Variants in PLCB4 observed in about 807,000 individuals in gnomAD.
PLCB4 encodes the protein phospholipase C beta 4, also known as 1-phosphatidylinositol 4,5-bisphosphate phosphodiesterase beta-4.
Under a neutral mutation model 178.8 loss-of-function variants are expected in PLCB4, and 77 were observed. The observed-to-expected ratio is 0.43, with a 90% CI of 0.36 to 0.52. The LOEUF is 0.52. PLCB4 is among the 20% of genes least tolerant of loss of function. The probability of loss-of-function intolerance (pLI) is 0.00; values close to 1 mark genes in which losing one functional copy is unlikely to be tolerated. For synonymous variants in PLCB4, 496 were observed against 490.8 expected (o/e 1.01, Z -0.14); for missense variants, 1,024 against 1,453.4 (o/e 0.70, Z 4.80).
At chr20:9,414,014 A>G (rs910018842) in intron 25 of PLCB4, among the ~76,000 whole-genome samples, 3 of 152,176 alleles carry the variant, frequency 2.0e-5, no homozygotes, top group Non-Finnish European at 4.4e-5. Context: ...GGCCTCCCAA[A>G]GTGCTGGGAT....
At chr20:9,327,588 A>G (rs914364335) in intron 4 of PLCB4, among the ~76,000 whole-genome samples, 1 of 151,910 alleles carries the variant, frequency 6.6e-6, no homozygotes, top group African/African-American at 2.4e-5. Context: ...CATCCTGGCT[A>G]ACACAGACAA....
At chr20:9,420,639 T>C (rs1415871150) in intron 26 of PLCB4, among the ~76,000 whole-genome samples, 1 of 152,196 alleles carries the variant, frequency 6.6e-6, no homozygotes, top group Non-Finnish European at 1.5e-5. Flanking sequence ...TAATTGTACA[T>C]TTTAAATGCA....
chr20:9,403,411 A>C (rs1223267445), intron 20 of PLCB4, among the ~76,000 whole-genome samples: 1 of 152,164 alleles, frequency 6.6e-6, no homozygotes, highest in Non-Finnish European at 1.5e-5. Context: ...GAAAACCAGG[A>C]AAGAGAACAG....
chr20:9,241,625 G>C (rs2094063404), intron 3 of PLCB4, among the ~76,000 whole-genome samples: 1 of 152,152 alleles, frequency 6.6e-6, no homozygotes, highest in Admixed American at 6.5e-5. Flanking sequence ...GAAATAGGAG[G>C]CTTTAAGCCA....
intron 2 of PLCB4, among the ~76,000 whole-genome samples, chr20:9,141,779 T>TTTAATTAATTAAATA (rs1171830407): frequency 6.6e-6 from 1 of 152,010 alleles, no homozygotes; most frequent in Non-Finnish European, 1.5e-5. Flanking sequence ...AAATGGGGGA[T>TTTAATTAATTAAATA]GGAGTAGTCA....
At chr20:9,150,958 C>T (rs1256399580) in intron 2 of PLCB4, among the ~76,000 whole-genome samples, 3 of 152,108 alleles carry the variant, frequency 2.0e-5, no homozygotes, top group South Asian at 2.1e-4. Flanking sequence ...ATGGCTCAGC[C>T]ACAACACAAA....
At chr20:9,072,450 G>A (rs1568695402) in intron 1 of PLCB4, among the ~76,000 whole-genome samples, 1 of 151,742 alleles carries the variant, frequency 6.6e-6, no homozygotes, top group Admixed American at 6.6e-5. Context: ...ATGTTCCTAG[G>A]CTGTGATTCT....
intron 3 of PLCB4, among the ~76,000 whole-genome samples, chr20:9,293,929 G>A (rs921982668): frequency 3.9e-5 from 6 of 152,062 alleles, no homozygotes; most frequent in Admixed American, 2.0e-4. Flanking sequence ...TGTGCAAAAT[G>A]CTCAGTACCG....
chr20:9,275,870 A>G (rs993070021), intron 3 of PLCB4, among the ~76,000 whole-genome samples: 1 of 152,092 alleles, frequency 6.6e-6, no homozygotes, highest in African/African-American at 2.4e-5. Context: ...GACAAAAGTA[A>G]GGATAGGAAA....
intron 4 of PLCB4, among the ~76,000 whole-genome samples, chr20:9,315,690 T>C (rs1320567154): frequency 3.9e-5 from 6 of 152,092 alleles, no homozygotes; most frequent in Non-Finnish European, 2.9e-5. Context: ...CCCAGCACTT[T>C]GGTAGGCTGA....
At chr20:9,406,573 C>G (rs892884842) in intron 21 of PLCB4, among the ~76,000 whole-genome samples, 140 of 151,662 alleles carry the variant, frequency 9.2e-4, no homozygotes, top group African/African-American at 3.1e-3. Flanking sequence ...ACTGAAAGCT[C>G]TGCCCCCCGG....
intron 33 of PLCB4, among the ~76,000 whole-genome samples, chr20:9,457,010 A>C (rs1568878723): frequency 6.6e-6 from 1 of 152,264 alleles, no homozygotes; most frequent in Non-Finnish European, 1.5e-5. Context: ...CATATTTAAA[A>C]GACAAAAATC....
chr20:9,303,675 T>C (rs1958684489), intron 3 of PLCB4, among the ~76,000 whole-genome samples: 1 of 152,312 alleles, frequency 6.6e-6, no homozygotes, highest in African/African-American at 2.4e-5. Context: ...TTTGACCTAC[T>C]GATTTCAGAT....
intron 19 of PLCB4, among the ~76,000 whole-genome samples, chr20:9,398,109 G>A (rs2038743848): frequency 6.6e-6 from 1 of 152,148 alleles, no homozygotes; most frequent in Non-Finnish European, 1.5e-5. Context: ...TCCCCCAGAT[G>A]GAACATCTAA....
chr20:9,134,179 G>A (rs2092335291), intron 2 of PLCB4, among the ~76,000 whole-genome samples: 1 of 152,110 alleles, frequency 6.6e-6, no homozygotes, highest in Non-Finnish European at 1.5e-5. Flanking sequence ...GGTATAATTG[G>A]TCTTCCTGAG....
chr20:9,184,434 G>A (rs529697421), intron 2 of PLCB4, among the ~76,000 whole-genome samples: 143 of 152,078 alleles, frequency 9.4e-4, no homozygotes, highest in African/African-American at 3.2e-3. Flanking sequence ...ACACTGTGTC[G>A]TGATGTCATT....
intron 21 of PLCB4, among the ~76,000 whole-genome samples, chr20:9,405,906 T>C (rs1265206906): frequency 6.6e-6 from 1 of 152,212 alleles, no homozygotes; most frequent in African/African-American, 2.4e-5. Context: ...TTCATTCTCA[T>C]ACTTCAGAGG....
chr20:9,416,663 G>A (rs1459346466), intron 25 of PLCB4, among the ~76,000 whole-genome samples: 3 of 152,134 alleles, frequency 2.0e-5, no homozygotes, highest in Non-Finnish European at 4.4e-5. Context: ...AAAAAAAGCT[G>A]CAAATCTAAA....
intron 28 of PLCB4, among the ~76,000 whole-genome samples, chr20:9,426,887 G>A (rs938344657): frequency 6.6e-6 from 1 of 152,068 alleles, no homozygotes; most frequent in Non-Finnish European, 1.5e-5. Flanking sequence ...AGGAATTTGA[G>A]TGCAACTCCT....
Sources: allele counts gnomAD v4.1 joint callset (sites outside exome capture counted in the v4.1 genomes callset), GRCh38; gene constraint gnomAD v4.1.1; transcripts MANE v1.5; gene names NCBI Gene and HGNC (gene_info 2026-07-23, HGNC 2026-07-21).